KIF16B: variants seen among roughly 807,000 people sequenced by gnomAD.
The protein encoded by KIF16B is kinesin-like protein KIF16B.
Under a neutral mutation model 156.3 loss-of-function variants are expected in KIF16B, and 98 were observed. The ratio of observed to expected loss-of-function variants is 0.63; its 90% CI spans 0.53 to 0.74. KIF16B has a LOEUF of 0.74. Among genes scored for constraint, KIF16B ranks in the 30% least tolerant of loss-of-function variants. The pLI, the probability that KIF16B is intolerant of heterozygous loss-of-function variation, is 0.00. For missense variants in KIF16B, 1,421 were observed against 1,606.5 expected (o/e 0.88, Z 1.97); for synonymous variants, 564 against 583.7 (o/e 0.97, Z 0.49).
chr20:16,444,762 C>T lies in KIF16B; in HGVS notation c.1303-14780G>A, dbSNP rs1234850356. 2.0e-5 allele frequency among the ~76,000 whole-genome samples: 3 copies of T among 152,188 alleles called. No homozygotes were observed. The East Asian group carries it at 5.8e-4, about 29-fold the overall frequency. ...ATTTAAATTGCTCTCAGAACCTTTG[C>T]ATTCATTAGTTATTGCCAACAATGC... On this transcript the variant is annotated intron_variant, in intron 12 of 25. Transcript: ENST00000354981.
rs1249312551 is a variant in KIF16B at position 16,295,602 on chromosome 20, ATCTCT to A, written c.3795+16728_3795+16732del. On this transcript the variant is annotated intron_variant, in intron 25 of 25. Transcript: ENST00000354981. ...CATAATTAATAATATATCATTATAC[ATCTCT>A]TCTCCCAAGAAACATTAGGCAGATA... Among the ~76,000 whole-genome samples, 4 of 151,690 alleles carry A rather than the reference ATCTCT, an allele frequency of 2.6e-5. No individual in the cohort carries two copies. In the South Asian group the frequency reaches 6.2e-4, roughly 24 times the overall value.
At chr20:16,404,933 T>A (rs1458306833) in intron 16 of KIF16B, 32 bp from the exon 17 acceptor site, 1 of 1,543,164 alleles carries the variant, frequency 6.5e-7, no homozygotes, top group South Asian at 1.1e-5. Context: ...AGTGGTTACC[T>A]TAGCAGAGAA....
At chr20:16,357,003 T>C (rs2064456148) in intron 22 of KIF16B, among the ~76,000 whole-genome samples, 1 of 152,236 alleles carries the variant, frequency 6.6e-6, no homozygotes, top group Non-Finnish European at 1.5e-5. Context: ...CCCCATTTGA[T>C]TACTCAACTT....
At chr20:16,482,287 T>C (rs1312086719) in intron 12 of KIF16B, among the ~76,000 whole-genome samples, 2 of 151,976 alleles carry the variant, frequency 1.3e-5, no homozygotes, top group South Asian at 4.1e-4. Context: ...GAGAAACTGC[T>C]GTCATCCTTA....
At chr20:16,324,473 T>G (rs900570213) in intron 24 of KIF16B, among the ~76,000 whole-genome samples, 2 of 152,034 alleles carry the variant, frequency 1.3e-5, no homozygotes, top group African/African-American at 4.8e-5. Context: ...GGTGCTGGCA[T>G]TTCACAATGT....
intron 22 of KIF16B, chr20:16,367,937 C>G (rs1166347452): frequency 2.1e-6 from 3 of 1,454,980 alleles, no homozygotes; most frequent in East Asian, 5.0e-5. Context: ...TCCTGTAGAC[C>G]AGAGAGAGGT....
chr20:16,497,539 A>G, intron 11 of KIF16B, 74 bp downstream of exon 11: 1 of 1,174,060 alleles, frequency 8.5e-7, no homozygotes, highest in Admixed American at 1.9e-5. Context: ...TCAAACGGCA[A>G]GTCCTAAAAA....
chr20:16,490,723 C>A (rs1299278856), intron 12 of KIF16B, among the ~76,000 whole-genome samples: 1 of 152,200 alleles, frequency 6.6e-6, no homozygotes, highest in Non-Finnish European at 1.5e-5. Context: ...CTTGGACTTC[C>A]AGCCTCCAGA....
At chr20:16,511,902 T>C (rs989828443) in intron 5 of KIF16B, among the ~76,000 whole-genome samples, 1 of 152,120 alleles carries the variant, frequency 6.6e-6, no homozygotes, top group Admixed American at 6.5e-5. Context: ...TGTAATACAC[T>C]TTGGGAGGCC....
intron 1 of KIF16B, among the ~76,000 whole-genome samples, chr20:16,541,510 A>G (rs191385298): frequency 1.6e-4 from 25 of 152,338 alleles, no homozygotes; most frequent in African/African-American, 6.0e-4. Flanking sequence ...TCCCATGCTA[A>G]GTGAAATCCT....
Position 16,504,619 on chromosome 20 carries a change from A to G in KIF16B, c.1001-72T>C, listed in dbSNP as rs529240092. ...CCATTTAACACAAAGTTGGTTTGTA[A>G]TTTAAAAGTCAGATTAACCCCAGGT... On this transcript the variant is annotated intron_variant, in intron 9 of 25. Coordinates refer to ENST00000354981, the MANE Select transcript of KIF16B (RefSeq NM_024704.5). 760 of 1,393,422 alleles carry G rather than the reference A, an allele frequency of 5.5e-4. 2 individuals are homozygous for G. The highest frequency in any genetic ancestry group is 7.3e-4 in the Non-Finnish European group (723 of 993,110). The allele number at this position is 1,393,422 out of a possible 1,614,324, so 86.3% of individuals were successfully genotyped here. A position where few individuals can be genotyped will look rare whatever the true frequency, so the allele number is the denominator to read the frequency against.
At chr20:16,424,077 C>T (rs1293934766) in intron 15 of KIF16B, among the ~76,000 whole-genome samples, 1 of 152,028 alleles carries the variant, frequency 6.6e-6, no homozygotes, top group Non-Finnish European at 1.5e-5. Context: ...TTGCTAGAGC[C>T]CTTGTCCCAC....
Position 16,356,542 on chromosome 20 carries a change from G to A in KIF16B, c.3499-90C>T, listed in dbSNP as rs2064446881. The stretch of plus-strand genomic sequence containing the variant: ...TGCTCGGGTAGGAGGGAGAAAATGT[G>A]TTTCAAGTAGAGAAAAGAGCATCAA... On this transcript the variant is annotated intron_variant, in intron 22 of 25. Transcript: ENST00000354981. The A allele has an allele frequency of 1.2e-5, 17 of 1,416,684 alleles. No homozygotes were observed. In the South Asian group the frequency reaches 1.8e-4, roughly 15 times the overall value. The allele number at this position is 1,416,684 out of a possible 1,614,324, so 87.8% of individuals were successfully genotyped here.
chr20:16,355,885 C>T (rs994079375), intron 23 of KIF16B, among the ~76,000 whole-genome samples: 3 of 152,198 alleles, frequency 2.0e-5, no homozygotes, highest in Admixed American at 6.5e-5. Context: ...CCACAAGATG[C>T]ACACTTTATA....
intron 15 of KIF16B, among the ~76,000 whole-genome samples, chr20:16,411,957 T>TGTGA: frequency 2.0e-5 from 3 of 151,472 alleles, no homozygotes; most frequent in Middle Eastern, 6.8e-3. Context: ...TGTGTGTGTG[T>TGTGA]GTGTGTGTGT....
chr20:16,377,387 C>A (rs2064978651), intron 19 of KIF16B, among the ~76,000 whole-genome samples: 1 of 148,080 alleles, frequency 6.8e-6, no homozygotes, highest in Non-Finnish European at 1.5e-5. Flanking sequence ...CAGGGAAACC[C>A]CATCTCTAAA....
rs973052910 is a variant in KIF16B, at chr20:16,560,549, G to A, written c.47+12680C>T. Among the ~76,000 whole-genome samples the A allele has an allele frequency of 5.3e-5, 8 of 152,342 alleles. No homozygotes were observed. The East Asian group carries it at 1.5e-3, about 29-fold the overall frequency. ...TTGATCTGAGCAATGGCTCAAGCCTGTAATTCCAACACTTTGGGAGGCCAA... is the reference window on the plus strand; with the variant it reads ...TTGATCTGAGCAATGGCTCAAGCCTATAATTCCAACACTTTGGGAGGCCAA... On this transcript the variant is annotated intron_variant, in intron 1 of 25. Coordinates refer to ENST00000354981, the MANE Select transcript of KIF16B (RefSeq NM_024704.5).
At chr20:16,326,778 A>G (rs965634095) in intron 24 of KIF16B, among the ~76,000 whole-genome samples, 12 of 151,990 alleles carry the variant, frequency 7.9e-5, no homozygotes, top group Admixed American at 6.6e-4. Flanking sequence ...TTCCTTAAAG[A>G]ACTAAAAGTA....
At chr20:16,513,469 G>A (rs1183667864) in intron 4 of KIF16B, among the ~76,000 whole-genome samples, 1 of 151,986 alleles carries the variant, frequency 6.6e-6, no homozygotes, top group Non-Finnish European at 1.5e-5. Flanking sequence ...GACCAGCCTG[G>A]CCAACATGGT....
Sources: gnomAD v4.1 joint callset for allele counts (sites outside exome capture counted in the v4.1 genomes callset) on GRCh38, gnomAD v4.1.1 for gene constraint, MANE v1.5 for transcripts, NCBI Gene and HGNC (gene_info 2026-07-23, HGNC 2026-07-21) for gene names.